Variants in RIOX2 observed in about 807,000 individuals in gnomAD.
The protein encoded by RIOX2 is ribosomal oxygenase 2.
In RIOX2, 43 loss-of-function variants were observed where a neutral mutation model predicts 51.2. The observed-to-expected ratio is 0.84, with a 90% confidence interval of 0.66 to 1.08. RIOX2 has a LOEUF of 1.08. Among genes scored for constraint, RIOX2 ranks in the 50% least tolerant of loss-of-function variants. The pLI is 0.00. For missense variants in RIOX2, 566 were observed against 561.7 expected (o/e 1.01, Z -0.08); for synonymous variants, 226 against 218.5 (o/e 1.03, Z -0.30).
rs1212435338 is a variant in RIOX2 at position 97,950,465 on chromosome 3, G to T, written c.888+321C>A. Among the ~76,000 whole-genome samples the T allele has an allele frequency of 2.0e-5, 3 of 152,284 alleles. No individual in the cohort carries two copies. The East Asian group carries it at 5.8e-4, about 29-fold the overall frequency. On this transcript the variant is annotated intron_variant, in intron 6 of 9. Transcript: ENST00000394198. ...GAGGCCAGGATCTCCAGTACAGTGA[G>T]TTTCTCTTAACTAGTAATCTGATGT...
At chr3:97,970,978 A>AAT (rs1372581423) in intron 1 of RIOX2, among the ~76,000 whole-genome samples, 1 of 152,212 alleles carries the variant, frequency 6.6e-6, no homozygotes, top group Non-Finnish European at 1.5e-5. Flanking sequence ...GTCCTCAAGA[A>AAT]ATGTCTGCTG....
rs2040392482 is a variant in RIOX2, at chr3:97,947,429, C to A, written c.1081G>T (p.Asp361Tyr). 6.2e-7 allele frequency: 1 copy of A among 1,613,384 alleles called. No homozygotes were observed. Among genetic ancestry groups the A allele is most frequent in the Non-Finnish European group, 8.5e-7 (1 of 1,179,534 alleles). ...STPGGKLPRLDSVVRLQFKDH... is the reference protein window; with the variant it reads ...STPGGKLPRLYSVVRLQFKDH... ...TTAAACTGCAGTCTCACTACACTGT[C>A]CAGCCTCGGTAACTTTCCACCTAGA... is the stretch of plus-strand genomic sequence containing the variant. The change falls in exon 8 of 10, where the codon GAC becomes TAC. Residue 361 changes from aspartate (D) to tyrosine (Y), a missense_variant. Coordinates refer to ENST00000394198, the MANE Select transcript of RIOX2 (RefSeq NM_153182.4).
intron 4 of RIOX2, among the ~76,000 whole-genome samples, chr3:97,955,419 T>C (rs931119279): frequency 1.3e-5 from 2 of 152,064 alleles, no homozygotes; most frequent in African/African-American, 2.4e-5. Flanking sequence ...AGAGGGAATC[T>C]TGAGGGCAGC....
At position 97,944,507 on chromosome 3, in the gene RIOX2, C is replaced by T. The variant is rs964044822; in HGVS notation, c.*677G>A. 3.3e-5 allele frequency: 5 copies of T among 152,306 alleles called. No homozygotes were observed. Among genetic ancestry groups the T allele is most frequent in the Admixed American group, 1.3e-4 (2 of 15,216 alleles). The allele number at this position is 152,306 out of a possible 1,614,324, so 9.4% of individuals were successfully genotyped here. ...ATTTTAAAAAATATCAACCTACATG[C>T]ACTTTAGAATGTAAAATAACAATGA... On this transcript the variant is annotated 3_prime_UTR_variant, in exon 10 of 10. Transcript: ENST00000394198.
At chr3:97,958,411 T>TA (rs1350892337) in intron 4 of RIOX2, among the ~76,000 whole-genome samples, 1 of 152,224 alleles carries the variant, frequency 6.6e-6, no homozygotes, top group Non-Finnish European at 1.5e-5. Context: ...GGGGATTGGC[T>TA]ATGTTCCCAT....
intron 5 of RIOX2, chr3:97,952,077 C>A: frequency 1.1e-6 from 1 of 877,080 alleles, no homozygotes; most frequent in Non-Finnish European, 1.6e-6. Flanking sequence ...ACCAAATCAA[C>A]AACATACAGC....
chr3:97,955,604 C>A (rs1241240881), intron 4 of RIOX2, among the ~76,000 whole-genome samples: 1 of 152,088 alleles, frequency 6.6e-6, no homozygotes, highest in African/African-American at 2.4e-5. Context: ...CAAATTTTCC[C>A]TGAATGACAA....
At chr3:97,948,018 C>T (rs1162331372) in intron 7 of RIOX2, among the ~76,000 whole-genome samples, 1 of 152,098 alleles carries the variant, frequency 6.6e-6, no homozygotes, top group Non-Finnish European at 1.5e-5. Flanking sequence ...ACAGACTAGC[C>T]TTACAGGGTC....
chr3:97,947,822 G>A (rs147200266), intron 7 of RIOX2, among the ~76,000 whole-genome samples: 7 of 152,276 alleles, frequency 4.6e-5, no homozygotes, highest in African/African-American at 1.7e-4. Flanking sequence ...TCAACATATG[G>A]ACTCTGGAAG....
rs932071754 is a variant in RIOX2, at chr3:97,942,332, G to A, written c.*2852C>T. ...GATTGGTGGCCGGGACACACCTGGA[G>A]CTAAAGTAGCTCTATGGACTGAACA... On this transcript the variant is annotated 3_prime_UTR_variant, in exon 10 of 10. Coordinates refer to ENST00000394198, the MANE Select transcript of RIOX2 (RefSeq NM_153182.4). 1.2e-6 allele frequency: 2 copies of A among 1,611,760 alleles called. No individual in the cohort carries two copies.
rs944653359 is a variant in RIOX2, at chr3:97,941,824, C to A, written c.*3360G>T. The A allele has an allele frequency of 6.5e-6, 1 of 153,314 alleles. No homozygotes were observed. The highest frequency in any genetic ancestry group is 2.4e-5 in the African/African-American group (1 of 41,442). 9.5% of individuals were successfully genotyped at this position (153,314 alleles called of 1,614,324 possible). On this transcript the variant is annotated 3_prime_UTR_variant, in exon 10 of 10. Coordinates refer to ENST00000394198, the MANE Select transcript of RIOX2 (RefSeq NM_153182.4). ...AATAGAACACTACTTTAAAAACATT[C>A]AAACTGTGTTTTATTGTATCACCAA...
chr3:97,967,120 C>A, intron 2 of RIOX2, 42 bp downstream of exon 2: 1 of 1,581,070 alleles, frequency 6.3e-7, no homozygotes, highest in South Asian at 1.2e-5. Flanking sequence ...AATGTTAGTA[C>A]TTTAAAATGT....
In RIOX2 at chr3:97,942,676, C is replaced by T; in HGVS notation, c.*2508G>A. 2 of 385,102 alleles carry T rather than the reference C, an allele frequency of 5.2e-6. No homozygotes were observed. The highest frequency in any genetic ancestry group is 9.2e-6 in the Non-Finnish European group (2 of 216,466). The allele number at this position is 385,102 out of a possible 1,614,324, so 23.9% of individuals were successfully genotyped here. The stretch of plus-strand genomic sequence containing the variant: ...AGTACAGTTGTAAAACTTTCATTTG[C>T]TACGTGAACTCAGAACAGTTCTAAA... On this transcript the variant is annotated 3_prime_UTR_variant, in exon 10 of 10. Coordinates refer to ENST00000394198, the MANE Select transcript of RIOX2 (RefSeq NM_153182.4).
chr3:97,968,348 T>C (rs1027721309), intron 1 of RIOX2, among the ~76,000 whole-genome samples: 1 of 152,216 alleles, frequency 6.6e-6, no homozygotes, highest in Admixed American at 6.5e-5. Flanking sequence ...AGTAGTTATA[T>C]CTAAAGCCTT....
At chr3:97,947,147 G>C (rs1158628018) in intron 8 of RIOX2, among the ~76,000 whole-genome samples, 1 of 152,108 alleles carries the variant, frequency 6.6e-6, no homozygotes, top group African/African-American at 2.4e-5. Context: ...ACCACATAAA[G>C]GGGATGAAGG....
At chr3:97,964,183 G>A (rs1038834451) in intron 2 of RIOX2, among the ~76,000 whole-genome samples, 5 of 152,058 alleles carry the variant, frequency 3.3e-5, no homozygotes, top group East Asian at 1.9e-4. Context: ...TGACCTACCC[G>A]TCAGAATCAA....
chr3:97,954,561 A>G, intron 4 of RIOX2, 66 bp from the exon 5 acceptor site: 1 of 1,333,808 alleles, frequency 7.5e-7, no homozygotes, highest in Non-Finnish European at 1.1e-6. Flanking sequence ...TCTTCATTTC[A>G]GGGAGATAAA....
intron 2 of RIOX2, 56 bp from the exon 3 acceptor site, chr3:97,961,764 G>C: frequency 3.3e-6 from 5 of 1,525,722 alleles, no homozygotes; most frequent in Non-Finnish European, 4.4e-6. Flanking sequence ...AAATGTATTA[G>C]AAATAAGAAT....
chr3:97,955,198 G>A (rs1160657399), intron 4 of RIOX2, among the ~76,000 whole-genome samples: 2 of 151,938 alleles, frequency 1.3e-5, no homozygotes, highest in Non-Finnish European at 2.9e-5. Flanking sequence ...ATGAATGTTG[G>A]GATGAATTGA....
Sources: gnomAD v4.1 joint callset for allele counts (sites outside exome capture counted in the v4.1 genomes callset) on GRCh38, gnomAD v4.1.1 for gene constraint, MANE v1.5 for transcripts, NCBI Gene and HGNC (gene_info 2026-07-23, HGNC 2026-07-21) for gene names.